Variants in SIPA1L1 observed in about 807,000 individuals in gnomAD.
SIPA1L1 encodes the protein signal induced proliferation associated 1 like 1.
In SIPA1L1, 26 loss-of-function variants were observed where a neutral mutation model predicts 162.7. That is an observed-to-expected ratio of 0.16 (90% confidence interval 0.12 to 0.22). The LOEUF is 0.22. Among genes scored for constraint, SIPA1L1 ranks in the 10% least tolerant of loss-of-function variants. The probability of loss-of-function intolerance (pLI) is 1.00; values close to 1 mark genes in which losing one functional copy is unlikely to be tolerated. For synonymous variants in SIPA1L1, 829 were observed against 837.4 expected (o/e 0.99, Z 0.17); for missense variants, 1,874 against 2,241.0 (o/e 0.84, Z 3.31).
chr14:71,551,246 T>A (rs1466158337), intron 4 of SIPA1L1, among the ~76,000 whole-genome samples: 1 of 152,214 alleles, frequency 6.6e-6, no homozygotes, highest in Non-Finnish European at 1.5e-5. Context: ...AAAACCTTGA[T>A]GTGTGTCTAG....
chr14:71,574,719 A>C (rs888785124), intron 4 of SIPA1L1: 3 of 135,688 alleles, frequency 2.2e-5, no homozygotes, highest in African/African-American at 8.2e-5. Context: ...AAAAAAAAAA[A>C]GACTTCCTGC....
At chr14:71,325,040 G>A (rs2033627579) in intron 2 of SIPA1L1, among the ~76,000 whole-genome samples, 2 of 152,106 alleles carry the variant, frequency 1.3e-5, no homozygotes, top group African/African-American at 4.8e-5. Context: ...AGGTGAGGGG[G>A]TTTCCTTCTT....
chr14:71,414,330 G>A (rs1011026093), intron 2 of SIPA1L1, among the ~76,000 whole-genome samples: 1 of 152,158 alleles, frequency 6.6e-6, no homozygotes, highest in African/African-American at 2.4e-5. Context: ...AGTGAGCCGA[G>A]ATTGTGCCAT....
intron 4 of SIPA1L1, among the ~76,000 whole-genome samples, chr14:71,571,309 A>G (rs1395664156): frequency 3.9e-5 from 6 of 152,228 alleles, no homozygotes; most frequent in South Asian, 2.1e-4. Flanking sequence ...TAGAACATTT[A>G]CAGAATGAAA....
intron 3 of SIPA1L1, among the ~76,000 whole-genome samples, chr14:71,521,501 C>T (rs2052350232): frequency 6.6e-6 from 1 of 152,182 alleles, no homozygotes; most frequent in South Asian, 2.1e-4. Flanking sequence ...GGTCTTATGA[C>T]CTACTTCAGA....
At chr14:71,357,264 T>TTG (rs1034696173) in intron 2 of SIPA1L1, among the ~76,000 whole-genome samples, 5 of 151,958 alleles carry the variant, frequency 3.3e-5, no homozygotes, top group Admixed American at 6.6e-5. Flanking sequence ...AAGTTTTTTT[T>TTG]TGTGTGTGTG....
In SIPA1L1 at chr14:71,629,489, G is replaced by A. The variant is rs116257255; in HGVS notation, c.1818+5253G>A. On this transcript the variant is annotated intron_variant, in intron 7 of 23. Transcript: ENST00000381232. ...ACCCTGTCCTCTTTTCCCTCCCCAT[G>A]AATGGAAGAAGAAACTGGAATTATA... Among the ~76,000 whole-genome samples the A allele has an allele frequency of 8.7e-3, 1,320 of 152,240 alleles. 23 individuals carry two copies. The highest frequency in any genetic ancestry group is 0.03 in the African/African-American group (1,262 of 41,530).
chr14:71,644,382 G>A (rs1243336716), intron 7 of SIPA1L1, among the ~76,000 whole-genome samples: 2 of 152,130 alleles, frequency 1.3e-5, no homozygotes, highest in East Asian at 3.9e-4. Context: ...GGGACTGCAA[G>A]CCCATGCCAC....
chr14:71,505,625 C>G (rs1210581668), intron 2 of SIPA1L1, among the ~76,000 whole-genome samples: 1 of 152,012 alleles, frequency 6.6e-6, no homozygotes, highest in African/African-American at 2.4e-5. Flanking sequence ...GCTTTTCATT[C>G]TTTACCTAGT....
intron 2 of SIPA1L1, among the ~76,000 whole-genome samples, chr14:71,397,539 A>G (rs1387788101): frequency 6.6e-6 from 1 of 152,312 alleles, no homozygotes; most frequent in South Asian, 2.1e-4. Flanking sequence ...GTGTGCACAC[A>G]TACAGGCACA....
intron 2 of SIPA1L1, among the ~76,000 whole-genome samples, chr14:71,500,301 C>T (rs994616101): frequency 6.6e-6 from 1 of 152,172 alleles, no homozygotes; most frequent in Non-Finnish European, 1.5e-5. Flanking sequence ...GACACTCCCT[C>T]CCTCTTGCCT....
intron 4 of SIPA1L1, among the ~76,000 whole-genome samples, chr14:71,538,290 A>G (rs1223198197): frequency 6.6e-6 from 1 of 151,302 alleles, no homozygotes; most frequent in Non-Finnish European, 1.5e-5. Flanking sequence ...TTTTTTCTTC[A>G]GTCTTCCATA....
At chr14:71,584,578 G>A (rs1417759486) in intron 4 of SIPA1L1, among the ~76,000 whole-genome samples, 2 of 152,182 alleles carry the variant, frequency 1.3e-5, no homozygotes, top group African/African-American at 4.8e-5. Context: ...AAACACAGGG[G>A]GTGATTTGGA....
At chr14:71,444,495 A>G (rs895974065) in intron 2 of SIPA1L1, among the ~76,000 whole-genome samples, 1 of 152,202 alleles carries the variant, frequency 6.6e-6, no homozygotes, top group African/African-American at 2.4e-5. Flanking sequence ...AGAATAGGGA[A>G]TGAATATCCA....
chr14:71,679,567 C>A (rs1426469421), intron 12 of SIPA1L1, among the ~76,000 whole-genome samples: 1 of 152,162 alleles, frequency 6.6e-6, no homozygotes, highest in Non-Finnish European at 1.5e-5. Flanking sequence ...ATGACAGGAT[C>A]AGATTTACAC....
chr14:71,482,839 C>T (rs1168486263), intron 2 of SIPA1L1, among the ~76,000 whole-genome samples: 1 of 152,068 alleles, frequency 6.6e-6, no homozygotes. Context: ...AGAATAGGAC[C>T]CGTAAGGAAT....
intron 3 of SIPA1L1, among the ~76,000 whole-genome samples, chr14:71,525,443 A>G (rs2052766132): frequency 1.3e-5 from 2 of 152,280 alleles, no homozygotes; most frequent in African/African-American, 4.8e-5. Flanking sequence ...TCGGCCTCCC[A>G]AAGTGCTGGG....
In SIPA1L1 at chr14:71,589,249, A is replaced by C. The variant is rs764193930; in HGVS notation, c.1377A>C (p.Gly459=). Reference sequence around the variant, plus strand: ...TTAGTTCCCATTGCACAAATGCAGGAGTGGCAGTACTTGAAGTGCCCAAGG... The same window carrying C: ...TTAGTTCCCATTGCACAAATGCAGGCGTGGCAGTACTTGAAGTGCCCAAGG... ...STLSSHCTNA[G]VAVLEVPKEN... The change falls in exon 5 of 24, where the codon GGA becomes GGC. Residue 459 remains glycine (G), a synonymous_variant. Coordinates refer to ENST00000381232, the MANE Select transcript of SIPA1L1 (RefSeq NM_001386936.1). The C allele has an allele frequency of 1.9e-6, 3 of 1,614,088 alleles. No homozygotes were observed. The highest frequency in any genetic ancestry group is 2.5e-6 in the Non-Finnish European group (3 of 1,179,946).
intron 2 of SIPA1L1, among the ~76,000 whole-genome samples, chr14:71,373,310 CAA>C (rs75480788): frequency 2.3e-4 from 17 of 74,062 alleles, no homozygotes; most frequent in Admixed American, 4.7e-4. Flanking sequence ...GACTCCGTCT[CAA>C]AAAAAAAAAA....
Sources: allele counts gnomAD v4.1 joint callset (sites outside exome capture counted in the v4.1 genomes callset), GRCh38; gene constraint gnomAD v4.1.1; transcripts MANE v1.5; gene names NCBI Gene and HGNC (gene_info 2026-07-23, HGNC 2026-07-21).